MTUS2: variants seen among roughly 807,000 people sequenced by gnomAD.
MTUS2 encodes microtubule associated scaffold protein 2.
In MTUS2, 40 loss-of-function variants were observed where a neutral mutation model predicts 114.1. The observed-to-expected ratio is 0.35, with a 90% confidence interval of 0.27 to 0.46. MTUS2 has a LOEUF of 0.46. Ranked by LOEUF, MTUS2 falls within the 20% of genes least tolerant of loss-of-function variation. MTUS2 has a pLI of 1.00. For synonymous variants in MTUS2, 688 were observed against 672.0 expected (o/e 1.02, Z -0.37); for missense variants, 1,679 against 1,705.4 (o/e 0.98, Z 0.27).
chr13:28,909,396 G>C (rs1880258374), intron 2 of MTUS2, among the ~76,000 whole-genome samples: 1 of 151,956 alleles, frequency 6.6e-6, no homozygotes, highest in Non-Finnish European at 1.5e-5. Flanking sequence ...TCCTTGAAGA[G>C]GTCCTTCACG....
chr13:29,505,022 G>T lies in MTUS2; in HGVS notation c.*1816G>T, dbSNP rs1566245255. 1 of 232,660 alleles carries T rather than the reference G, an allele frequency of 4.3e-6. No individual in the cohort carries two copies. The highest frequency in any genetic ancestry group is 5.6e-5 in the Admixed American group (1 of 17,762). 14.4% of individuals were successfully genotyped at this position (232,660 alleles called of 1,614,324 possible). A position where few individuals can be genotyped will look rare whatever the true frequency, so the allele number is the denominator to read the frequency against. On this transcript the variant is annotated 3_prime_UTR_variant, in exon 16 of 16. Coordinates refer to ENST00000612955, the MANE Select transcript of MTUS2 (RefSeq NM_001033602.4). ...GTGCATCTCCAGCCAACCTCCAAGG[G>T]TCTTGCTCCTTCTGGGGACGTACAC...
intron 2 of MTUS2, among the ~76,000 whole-genome samples, chr13:28,878,396 ATGTGCCGT>A (rs1361496162): frequency 2.0e-5 from 3 of 152,136 alleles, no homozygotes; most frequent in Admixed American, 6.5e-5. Context: ...ATATGTAAAC[ATGTGCCGT>A]GGTGGTTTGC....
intron 7 of MTUS2, among the ~76,000 whole-genome samples, chr13:29,350,252 G>T (rs1869112807): frequency 6.6e-6 from 1 of 151,548 alleles, no homozygotes; most frequent in Non-Finnish European, 1.5e-5. Context: ...AATCAGCTAG[G>T]CTGAGTTCTT....
chr13:29,410,920 C>T (rs1875184462), intron 8 of MTUS2, among the ~76,000 whole-genome samples: 1 of 152,186 alleles, frequency 6.6e-6, no homozygotes, highest in Admixed American at 6.5e-5. Context: ...CAGCCTCTGC[C>T]TCCCGGGTTC....
intron 5 of MTUS2, among the ~76,000 whole-genome samples, chr13:29,127,081 G>A (rs1342351822): frequency 1.3e-5 from 2 of 152,150 alleles, no homozygotes; most frequent in African/African-American, 4.8e-5. Context: ...TTGCTCACCT[G>A]CTCCTGGCCC....
intron 4 of MTUS2, among the ~76,000 whole-genome samples, chr13:29,064,585 C>T (rs1329811147): frequency 6.6e-6 from 1 of 151,984 alleles, no homozygotes; most frequent in East Asian, 1.9e-4. Flanking sequence ...GTCATATTTT[C>T]CAGATTTTTA....
intron 2 of MTUS2, among the ~76,000 whole-genome samples, chr13:28,888,421 T>G (rs1878719200): frequency 6.8e-6 from 1 of 147,426 alleles, no homozygotes; most frequent in South Asian, 2.1e-4. Context: ...CTTGGCATCT[T>G]TTTTTTTTTT....
intron 9 of MTUS2, among the ~76,000 whole-genome samples, chr13:29,469,839 G>GT (rs201039499): frequency 4.0e-5 from 6 of 151,026 alleles, no homozygotes; most frequent in Non-Finnish European, 7.4e-5. Context: ...ATAAAATTTA[G>GT]TTTTTTTAAA....
chr13:29,261,063 A>AT (rs1414180379), intron 5 of MTUS2, among the ~76,000 whole-genome samples: 1 of 152,194 alleles, frequency 6.6e-6, no homozygotes, highest in African/African-American at 2.4e-5. Flanking sequence ...CAAGAAAAAA[A>AT]GGAAGATTAT....
intron 7 of MTUS2, among the ~76,000 whole-genome samples, chr13:29,351,263 C>A (rs1202819601): frequency 6.6e-6 from 1 of 152,016 alleles, no homozygotes; most frequent in African/African-American, 2.4e-5. Context: ...CTCCATCAGG[C>A]CTTTGGGCCT....
chr13:29,299,004 C>G (rs1899072962), intron 6 of MTUS2, among the ~76,000 whole-genome samples: 1 of 151,964 alleles, frequency 6.6e-6, no homozygotes, highest in Admixed American at 6.5e-5. Flanking sequence ...ATTGTGAAGC[C>G]AACAGGGAAG....
At position 29,050,081 on chromosome 13, in the gene MTUS2, C is replaced by T. The variant is rs553578832; in HGVS notation, c.2446+15956C>T. On this transcript the variant is annotated intron_variant, in intron 4 of 15. Transcript: ENST00000612955. ...GCCCTCTGAGAAGATGAGTAAGGGT[C>T]AGAGTCTCCACCTCCCTATTCCCCT... is the stretch of plus-strand genomic sequence containing the variant. Among the ~76,000 whole-genome samples the T allele has an allele frequency of 2.4e-4, 36 of 152,276 alleles. No homozygotes were observed. The East Asian group carries it at 6.8e-3, about 29-fold the overall frequency.
At chr13:29,166,479 T>C (rs1183075209) in intron 5 of MTUS2, among the ~76,000 whole-genome samples, 1 of 152,228 alleles carries the variant, frequency 6.6e-6, no homozygotes, top group Admixed American at 6.5e-5. Context: ...TGTGGATGGG[T>C]GTCAGCCCCA....
chr13:29,441,368 G>T (rs9551680), intron 9 of MTUS2, among the ~76,000 whole-genome samples: 113,838 of 152,104 alleles, frequency 0.75, 42,978 homozygotes, highest in Middle Eastern at 0.79. Flanking sequence ...CCCCGCAGAC[G>T]CTTGCTGGAG....
At chr13:29,190,397 A>G (rs547663267) in intron 5 of MTUS2, among the ~76,000 whole-genome samples, 7 of 152,210 alleles carry the variant, frequency 4.6e-5, no homozygotes, top group Non-Finnish European at 1.0e-4. Flanking sequence ...ACCTGCCCAC[A>G]TTTATAAAGC....
rs569581921 is a variant in MTUS2, at chr13:28,966,866, A to G, written c.-242-57591A>G. Among the ~76,000 whole-genome samples the G allele has an allele frequency of 4.6e-3, 702 of 152,300 alleles. 4 individuals carry two copies. The highest frequency in any genetic ancestry group is 6.0e-3 in the Non-Finnish European group (408 of 68,020). On this transcript the variant is annotated intron_variant, in intron 2 of 15. Transcript: ENST00000612955. ...TTTTGAAATATTAAGGAAGTTTACA[A>G]TTGTACAGTGTTTCTTGATTTGAGG...
chr13:29,228,581 A>G lies in MTUS2; in HGVS notation c.2645-53123A>G, dbSNP rs1056397563. Among the ~76,000 whole-genome samples the G allele has an allele frequency of 2.6e-5, 4 of 152,132 alleles. No individual in the cohort carries two copies. In the East Asian group the frequency reaches 7.8e-4, roughly 30 times the overall value. On this transcript the variant is annotated intron_variant, in intron 5 of 15. Coordinates refer to ENST00000612955, the MANE Select transcript of MTUS2 (RefSeq NM_001033602.4). ...GCAGTCCTCCTGCCTCAGCCTCCCA[A>G]ATTGTTGGGATTGCAGGCATGAGAC...
At chr13:29,120,581 G>T (rs1891267018) in intron 5 of MTUS2, among the ~76,000 whole-genome samples, 1 of 151,918 alleles carries the variant, frequency 6.6e-6, no homozygotes, top group South Asian at 2.1e-4. Context: ...AGTAAGAAAA[G>T]AAAAAAGAAT....
At chr13:28,976,550 T>C (rs1884114952) in intron 2 of MTUS2, among the ~76,000 whole-genome samples, 1 of 152,024 alleles carries the variant, frequency 6.6e-6, no homozygotes, top group African/African-American at 2.4e-5. Context: ...TCAAGGGAGA[T>C]CAATTATGTG....
Sources: allele counts gnomAD v4.1 joint callset (sites outside exome capture counted in the v4.1 genomes callset), GRCh38; gene constraint gnomAD v4.1.1; transcripts MANE v1.5; gene names NCBI Gene and HGNC (gene_info 2026-07-23, HGNC 2026-07-21).